The following INTS11 variants were observed in gnomAD, a reference collection of about 807,000 sequenced individuals.
INTS11 encodes the protein integrator complex subunit 11, also known as CPSF3-like protein.
A neutral mutation model predicts 78.6 loss-of-function variants in INTS11; 77 were observed. That is an observed-to-expected ratio of 0.98 (90% CI 0.81 to 1.18). The LOEUF (loss-of-function observed/expected upper bound fraction) is 1.18. INTS11 is among the 50% of genes most tolerant of loss of function. INTS11 has a pLI of 0.00. For missense variants in INTS11, 875 were observed against 825.9 expected, an observed-to-expected ratio of 1.06 and a Z score of -0.73; for synonymous variants, 441 against 326.9, an observed-to-expected ratio of 1.35 and a Z score of -3.77.
chr1:1,323,395 T>G (rs1391048246), intron 1 of INTS11: 22 of 1,264,232 alleles, frequency 1.7e-5, no homozygotes, highest in Admixed American at 1.2e-4. Flanking sequence ...TTCACATCGT[T>G]CTATACTGTT....
intron 4 of INTS11, chr1:1,318,960 C>T: frequency 1.4e-6 from 1 of 717,326 alleles, no homozygotes; most frequent in Non-Finnish European, 2.6e-6. Context: ...ACCCCGGGAG[C>T]TCCAGCGAGT....
Position 1,322,201 on chromosome 1 carries a change from C to T in INTS11, c.29-1108G>A, listed in dbSNP as rs534905697. Among the ~76,000 whole-genome samples the T allele has an allele frequency of 1.1e-3, 160 of 152,104 alleles. 1 individual carries two copies. The highest frequency in any genetic ancestry group is 3.6e-3 in the African/African-American group (150 of 41,516). On this transcript the variant is annotated intron_variant, in intron 1 of 16. Coordinates refer to ENST00000435064, the MANE Select transcript of INTS11 (RefSeq NM_017871.6). ...AGGCCACAGAGGCACTTGTGGCACACGGCCCCGAGGCATGGGGCCCGGGCT... is the reference window on the plus strand; with the variant it reads ...AGGCCACAGAGGCACTTGTGGCACATGGCCCCGAGGCATGGGGCCCGGGCT...
intron 9 of INTS11, 56 bp downstream of exon 9, chr1:1,313,676 G>C: frequency 1.2e-6 from 2 of 1,610,288 alleles, no homozygotes; most frequent in Non-Finnish European, 1.7e-6. Context: ...GACACCTGCG[G>C]AAGACAGGAG....
At chr1:1,324,552 C>G (rs1643223671) in intron 1 of INTS11, 29 bp downstream of exon 1, 6 of 1,589,294 alleles carry the variant, frequency 3.8e-6, no homozygotes, top group Non-Finnish European at 4.3e-6. Flanking sequence ...GGAGCCCACC[C>G]CACAGCCCTC....
In INTS11 at chr1:1,311,838, CGGCTG is replaced by C. The variant is rs768095717; in HGVS notation, c.*16_*20del. The stretch of plus-strand genomic sequence containing the variant: ...TCCAGCTGGGAGAGGGCAGAGGTGG[CGGCTG>C]GGTGAGTTGCCGGCCTCAGCTGGGG... On this transcript the variant is annotated 3_prime_UTR_variant, in exon 17 of 17. Transcript: ENST00000435064. 1.3e-6 allele frequency: 2 copies of C among 1,537,246 alleles called. No homozygotes were observed. The highest frequency in any genetic ancestry group is 2.5e-5 in the South Asian group (2 of 78,954).
intron 1 of INTS11, chr1:1,322,900 A>G (rs1643044728): frequency 2.4e-6 from 3 of 1,268,236 alleles, no homozygotes; most frequent in Non-Finnish European, 3.0e-6. Flanking sequence ...ACCTTGGCTG[A>G]GGTGACCTTG....
At chr1:1,313,463 C>T (rs371108423) in intron 10 of INTS11, 46 bp downstream of exon 10, 33 of 1,598,494 alleles carry the variant, frequency 2.1e-5, no homozygotes, top group South Asian at 4.4e-5. Flanking sequence ...AAGGACAACC[C>T]GTCGGCCTCC....
In INTS11 at chr1:1,314,461, G is replaced by T; in HGVS notation, c.703-96C>A. ...CACGGCCAGGTGCCCAAGAGCTGCG[G>T]CCTCATAGGGACCTTAGCCTCTCAT... On this transcript the variant is annotated intron_variant, in intron 7 of 16. Transcript: ENST00000435064. This position sits in a 1 kb window ranked among gnomAD's most constrained non-coding sequence, Gnocchi z 4.2. 9.2e-7 allele frequency: 1 copy of T among 1,090,636 alleles called. No homozygotes were observed. Among genetic ancestry groups the T allele is most frequent in the Non-Finnish European group, 1.3e-6 (1 of 756,632 alleles). 67.6% of individuals were successfully genotyped at this position (1,090,636 alleles called of 1,614,324 possible).
chr1:1,323,337 C>T (rs1049650866), intron 1 of INTS11: 18 of 1,523,202 alleles, frequency 1.2e-5, no homozygotes, highest in Non-Finnish European at 1.5e-5. Context: ...AACACCATGT[C>T]CCTCCAGCTG....
At chr1:1,320,117 A>C in intron 3 of INTS11, 6 of 284,936 alleles carry the variant, frequency 2.1e-5, no homozygotes, top group Non-Finnish European at 2.7e-5. Flanking sequence ...GAGCTGCTGA[A>C]CCCTAAAGGC....
In INTS11 at chr1:1,312,585, C is replaced by T. The variant is rs1421542370; in HGVS notation, c.1402+8G>A. The T allele has an allele frequency of 6.3e-7, 1 of 1,575,222 alleles. No individual in the cohort carries two copies. The highest frequency in any genetic ancestry group is 2.3e-5 in the East Asian group (1 of 44,258). On this transcript the variant is annotated splice_region_variant and intron_variant, in intron 13 of 16. Coordinates refer to ENST00000435064, the MANE Select transcript of INTS11 (RefSeq NM_017871.6). Reference sequence around the variant, plus strand: ...AGCACCCTGCCCTGCCCTGCCCAGCCCGCATACCCTGCGCCATCTCCCGCT... The same window carrying T: ...AGCACCCTGCCCTGCCCTGCCCAGCTCGCATACCCTGCGCCATCTCCCGCT...
intron 1 of INTS11, among the ~76,000 whole-genome samples, chr1:1,321,579 G>A (rs541177176): frequency 4.8e-4 from 73 of 152,356 alleles, no homozygotes; most frequent in Middle Eastern, 3.4e-3. Flanking sequence ...CTGGTGGTGC[G>A]GCTGTGGAGG....
chr1:1,315,537 CTG>C lies in INTS11; in HGVS notation c.509_510del (p.Ser170Ter), dbSNP rs1642526813. 1.9e-6 allele frequency: 3 copies of C among 1,612,762 alleles called. No individual in the cohort carries two copies. Among genetic ancestry groups the C allele is most frequent in the Non-Finnish European group, 2.5e-6 (3 of 1,179,858 alleles). ...CCACTGACCGTGTAGACCACAGACTCTGAGCCCACTTTAATCTGGAACATGGC... is the reference window on the plus strand; with the variant it reads ...CCACTGACCGTGTAGACCACAGACTCAGCCCACTTTAATCTGGAACATGGC... Reference protein sequence around the residue: ...GAAMFQIKVGSESVVYTGDYN... With the variant: ...GAAMFQIKVGXESVVYTGDYN... On this transcript the variant is annotated frameshift_variant, in exon 5 of 17. Transcript: ENST00000435064. LOFTEE classifies it high-confidence loss of function.
intron 4 of INTS11, chr1:1,317,975 C>A (rs1002266315): frequency 6.6e-6 from 1 of 152,106 alleles, no homozygotes; most frequent in Non-Finnish European, 1.5e-5. Flanking sequence ...ACGCCATTCT[C>A]CTGCCTTTCA....
In INTS11 at chr1:1,324,626, C is replaced by T. The variant is rs552908518; in HGVS notation, c.-18G>A. 2.5e-6 allele frequency: 4 copies of T among 1,598,532 alleles called. No individual in the cohort carries two copies. The highest frequency in any genetic ancestry group is 1.4e-5 in the African/African-American group (1 of 72,492). ...TCAGGCATCGTCTCCGCCGCGCTCC[C>T]GGACCCGCGAGGCCCGCCTGCGGTG... On this transcript the variant is annotated 5_prime_UTR_variant, in exon 1 of 17. Transcript: ENST00000435064.
rs1329068199 is a variant in INTS11 at position 1,314,520 on chromosome 1, G to A, written c.703-155C>T. The A allele has an allele frequency of 4.3e-6, 3 of 691,636 alleles. No homozygotes were observed. Among genetic ancestry groups the A allele is most frequent in the Admixed American group, 5.9e-5 (2 of 34,148 alleles). 42.8% of individuals were successfully genotyped at this position (691,636 alleles called of 1,614,324 possible). A position where few individuals can be genotyped will look rare whatever the true frequency, so the allele number is the denominator to read the frequency against. ...AGTCCCGTCCCAGCCGCTCTCCAGA[G>A]ACAGAAGGGAGCCGTATGAGAGACA... On this transcript the variant is annotated intron_variant, in intron 7 of 16. Transcript: ENST00000435064. The surrounding 1 kb of genome is among the most constrained non-coding windows in gnomAD (Gnocchi z 4.2).
Position 1,312,213 on chromosome 1 carries a change from G to GGGGGGGCCGCCCCCCCCCCCCC in INTS11, c.1607+12_1607+13insGGGGGGGGGGGGGCGGCCCCCC. On this transcript the variant is annotated intron_variant, in intron 15 of 16. Coordinates refer to ENST00000435064, the MANE Select transcript of INTS11 (RefSeq NM_017871.6). Reference sequence around the variant, plus strand: ...CCCAAGGGAGTGGGGGGGGGGCGGGGCCGGGCGCCCACCTCTTGAGGTGGC... The same window carrying GGGGGGGCCGCCCCCCCCCCCCC: ...CCCAAGGGAGTGGGGGGGGGGCGGGGGGGGGGCCGCCCCCCCCCCCCCCCGGGCGCCCACCTCTTGAGGTGGC... The GGGGGGGCCGCCCCCCCCCCCCC allele has an allele frequency of 2.1e-6, 2 of 934,624 alleles. No individual in the cohort carries two copies. The highest frequency in any genetic ancestry group is 1.6e-6 in the Non-Finnish European group (1 of 636,672). 57.9% of individuals were successfully genotyped at this position (934,624 alleles called of 1,614,324 possible). A position where few individuals can be genotyped will look rare whatever the true frequency, so the allele number is the denominator to read the frequency against.
intron 4 of INTS11, chr1:1,318,526 G>A: frequency 4.8e-6 from 1 of 206,214 alleles, no homozygotes; most frequent in South Asian, 1.4e-4. Flanking sequence ...GGGCGTATGG[G>A]CACATGCTTG....
rs577701965 is a variant in INTS11 at position 1,312,608 on chromosome 1, G to A, written c.1387C>T (p.Arg463Trp). The stretch of plus-strand genomic sequence containing the variant: ...GCCCGCATACCCTGCGCCATCTCCC[G>A]CTTCAGCAGCCCCAGCGAGATGCCT... ...PVGISLGLLK[R>W]EMAQGLLPEA... Residue 463 changes from arginine (R) to tryptophan (W), a missense_variant, in exon 13 of 17, where the codon CGG becomes TGG. Coordinates refer to ENST00000435064, the MANE Select transcript of INTS11 (RefSeq NM_017871.6). 4.7e-5 allele frequency: 74 copies of A among 1,574,164 alleles called. No individual in the cohort carries two copies. The highest frequency in any genetic ancestry group is 1.7e-4 in the Middle Eastern group (1 of 5,904).
Sources: allele counts gnomAD v4.1 joint callset (sites outside exome capture counted in the v4.1 genomes callset), GRCh38; gene constraint gnomAD v4.1.1; non-coding constraint Gnocchi (gnomAD v3.1); transcripts MANE v1.5; gene names NCBI Gene and HGNC (gene_info 2026-07-23, HGNC 2026-07-21).